Variants in SH3GL2 observed in about 807,000 individuals in gnomAD.
The protein encoded by SH3GL2 is SH3 domain containing GRB2 like 2, endophilin A1.
SH3GL2 carries 24 observed loss-of-function variants against 46.0 expected under a neutral mutation model. That is an observed-to-expected ratio of 0.52 (90% CI 0.38 to 0.73). The LOEUF (loss-of-function observed/expected upper bound fraction) is 0.73, where lower values mean the gene tolerates loss of function less well. SH3GL2 is among the 30% of genes least tolerant of loss of function. SH3GL2 has a pLI of 0.00. For synonymous variants in SH3GL2, 196 were observed against 147.1 expected (o/e 1.33, Z -2.40); for missense variants, 413 against 424.2 (o/e 0.97, Z 0.23).
chr9:17,728,633 G>A (rs982856913), intron 1 of SH3GL2, among the ~76,000 whole-genome samples: 3 of 151,460 alleles, frequency 2.0e-5, no homozygotes, highest in Non-Finnish European at 4.4e-5. Flanking sequence ...CCTTGCTCCC[G>A]ACCCCAGACA....
At chr9:17,699,077 C>T (rs537199387) in intron 1 of SH3GL2, among the ~76,000 whole-genome samples, 1 of 148,366 alleles carries the variant, frequency 6.7e-6, no homozygotes, top group Admixed American at 6.8e-5. Context: ...ATCGCTTGAA[C>T]CTCAGAGGCA....
At chr9:17,620,173 C>A (rs1307312904) in intron 1 of SH3GL2, among the ~76,000 whole-genome samples, 1 of 152,116 alleles carries the variant, frequency 6.6e-6, no homozygotes, top group East Asian at 1.9e-4. Flanking sequence ...TTATGAAGAG[C>A]TGGTAGAAAT....
chr9:17,621,860 A>G, intron 1 of SH3GL2, among the ~76,000 whole-genome samples: 1 of 152,210 alleles, frequency 6.6e-6, no homozygotes, highest in Admixed American at 6.5e-5. Context: ...CACTTGCAGT[A>G]TGCCATAAGT....
chr9:17,696,752 T>A (rs1821212979), intron 1 of SH3GL2, among the ~76,000 whole-genome samples: 2 of 152,136 alleles, frequency 1.3e-5, no homozygotes, highest in Admixed American at 6.5e-5. Flanking sequence ...CAATTGAAGA[T>A]GAGATTTGGG....
At chr9:17,602,080 A>G (rs924443570) in intron 1 of SH3GL2, among the ~76,000 whole-genome samples, 2 of 152,230 alleles carry the variant, frequency 1.3e-5, no homozygotes, top group African/African-American at 4.8e-5. Context: ...TGAAAACCAC[A>G]GAAACAGCTC....
chr9:17,746,169 GT>G (rs1325784519), intron 1 of SH3GL2, among the ~76,000 whole-genome samples: 7,002 of 152,164 alleles, frequency 0.046, 497 homozygotes, highest in African/African-American at 0.16. Context: ...CCGCCCCGCT[GT>G]GTTCACACCA....
intron 4 of SH3GL2, among the ~76,000 whole-genome samples, chr9:17,786,736 A>G (rs113523557): frequency 0.013 from 2,037 of 151,986 alleles, 55 homozygotes; most frequent in African/African-American, 0.047. Flanking sequence ...CCCCCCCACT[A>G]TAAGACCTCA....
intron 3 of SH3GL2, among the ~76,000 whole-genome samples, chr9:17,772,426 C>A (rs1474961406): frequency 6.6e-6 from 1 of 152,062 alleles, no homozygotes; most frequent in East Asian, 1.9e-4. Context: ...GCGTAATCAC[C>A]ACCACCATCC....
chr9:17,739,109 A>G (rs1182344736), intron 1 of SH3GL2, among the ~76,000 whole-genome samples: 1 of 152,108 alleles, frequency 6.6e-6, no homozygotes, highest in African/African-American at 2.4e-5. Context: ...GGATGAGGAA[A>G]CAGGCCCAGG....
intron 1 of SH3GL2, among the ~76,000 whole-genome samples, chr9:17,718,931 T>C (rs535012362): frequency 6.6e-6 from 1 of 152,256 alleles, no homozygotes; most frequent in Non-Finnish European, 1.5e-5. Flanking sequence ...TGTGACCTTG[T>C]ATTTATTCTG....
intron 1 of SH3GL2, among the ~76,000 whole-genome samples, chr9:17,729,763 A>G (rs1056943358): frequency 5.3e-5 from 8 of 152,130 alleles, no homozygotes; most frequent in African/African-American, 1.9e-4. Flanking sequence ...CAAAGATCAG[A>G]TAGTTGTAGA....
chr9:17,749,925 A>G (rs1822798046), intron 2 of SH3GL2, among the ~76,000 whole-genome samples: 1 of 152,210 alleles, frequency 6.6e-6, no homozygotes, highest in South Asian at 2.1e-4. Context: ...CCTGCAGCAA[A>G]GTAAACATCT....
chr9:17,632,238 G>C (rs1048178539), intron 1 of SH3GL2, among the ~76,000 whole-genome samples: 1 of 152,102 alleles, frequency 6.6e-6, no homozygotes, highest in African/African-American at 2.4e-5. Flanking sequence ...AAAGAAGTTG[G>C]TCTTTTGTCA....
intron 1 of SH3GL2, among the ~76,000 whole-genome samples, chr9:17,602,373 ATTG>A (rs1818687312): frequency 6.6e-6 from 1 of 152,144 alleles, no homozygotes; most frequent in Admixed American, 6.5e-5. Context: ...TGTCAGTTTA[ATTG>A]TTGTTTTCTG....
intron 1 of SH3GL2, among the ~76,000 whole-genome samples, chr9:17,702,139 C>G (rs1821354445): frequency 6.6e-6 from 1 of 151,704 alleles, no homozygotes; most frequent in Non-Finnish European, 1.5e-5. Context: ...ATCACTAAAA[C>G]AAAATAGATA....
intron 1 of SH3GL2, among the ~76,000 whole-genome samples, chr9:17,598,913 C>T (rs1023883416): frequency 4.6e-5 from 7 of 152,006 alleles, no homozygotes; most frequent in Non-Finnish European, 1.0e-4. Context: ...CACTGGCAGT[C>T]CATCCTTTCA....
At chr9:17,722,615 T>G (rs1193926287) in intron 1 of SH3GL2, among the ~76,000 whole-genome samples, 5 of 152,102 alleles carry the variant, frequency 3.3e-5, no homozygotes, top group African/African-American at 1.2e-4. Context: ...CATGCTGGTG[T>G]GCTGCACCTA....
chr9:17,596,190 G>T (rs578123861), intron 1 of SH3GL2, among the ~76,000 whole-genome samples: 10 of 152,274 alleles, frequency 6.6e-5, no homozygotes, highest in African/African-American at 2.4e-4. Flanking sequence ...TGGAACACCT[G>T]CCCTGCCCTC....
intron 3 of SH3GL2, among the ~76,000 whole-genome samples, chr9:17,764,259 C>G (rs1229339949): frequency 1.3e-5 from 2 of 152,156 alleles, no homozygotes; most frequent in Non-Finnish European, 2.9e-5. Flanking sequence ...AATCATTCCA[C>G]AGAATTTAAA....
Sources: gnomAD v4.1 joint callset for allele counts (sites outside exome capture counted in the v4.1 genomes callset) on GRCh38, gnomAD v4.1.1 for gene constraint, MANE v1.5 for transcripts, NCBI Gene and HGNC (gene_info 2026-07-23, HGNC 2026-07-21) for gene names.